The following FAM131A variants were observed in gnomAD, a reference collection of about 807,000 sequenced individuals.
FAM131A encodes the protein family with sequence similarity 131 member A.
A neutral mutation model predicts 39.2 loss-of-function variants in FAM131A; 24 were observed. The observed-to-expected ratio is 0.61, with a 90% CI of 0.44 to 0.86. The LOEUF is 0.86. Among genes scored for constraint, FAM131A ranks in the 40% least tolerant of loss-of-function variants. FAM131A has a pLI of 0.00. For missense variants in FAM131A, 373 were observed against 481.2 expected (o/e 0.78, Z 2.10); for synonymous variants, 202 against 206.8 (o/e 0.98, Z 0.20).
chr3:184,338,186 G>A (rs1727205217), intron 1 of FAM131A, among the ~76,000 whole-genome samples: 1 of 152,094 alleles, frequency 6.6e-6, no homozygotes, highest in African/African-American at 2.4e-5. Flanking sequence ...TGGCAAGTGG[G>A]CTGCCACAGA....
chr3:184,337,983 G>C (rs1378201177), intron 1 of FAM131A, among the ~76,000 whole-genome samples: 1 of 152,176 alleles, frequency 6.6e-6, no homozygotes, highest in Non-Finnish European at 1.5e-5. Flanking sequence ...AAGGCAGCAG[G>C]AAGAGAGAAG....
At chr3:184,340,308 C>G (rs1255129228) in intron 2 of FAM131A, 1 of 143,396 alleles carries the variant, frequency 7.0e-6, no homozygotes, top group Non-Finnish European at 1.5e-5. Flanking sequence ...CTGGCCCAGC[C>G]TATGCATTTT....
chr3:184,341,706 C>G lies in FAM131A; in HGVS notation c.232-18C>G, dbSNP rs1026934854. ...TTGCTGTCAGAGGGGCACTGACTTT[C>G]TAATGGTGTTACCCAAGGTGAATGT... On this transcript the variant is annotated intron_variant, in intron 2 of 5. Coordinates refer to ENST00000383847, the MANE Select transcript of FAM131A (RefSeq NM_144635.5). 2 of 1,601,212 alleles carry G rather than the reference C, an allele frequency of 1.2e-6. No homozygotes were observed. Among genetic ancestry groups the G allele is most frequent in the Non-Finnish European group, 1.7e-6 (2 of 1,178,530 alleles).
rs1727589361 is a variant in FAM131A at position 184,345,292 on chromosome 3, A to ACCACT, written c.*323_*327dup. On this transcript the variant is annotated 3_prime_UTR_variant, in exon 6 of 6. Coordinates refer to ENST00000383847, the MANE Select transcript of FAM131A (RefSeq NM_144635.5). ...CACATTTCCTCCTCGGATAATGTGA[A>ACCACT]CCACTAAGGGGGTTGTGACTGGGCT... The ACCACT allele has an allele frequency of 6.1e-6, 3 of 494,418 alleles. No homozygotes were observed. The highest frequency in any genetic ancestry group is 2.2e-5 in the African/African-American group (1 of 45,576). 30.6% of individuals were successfully genotyped at this position (494,418 alleles called of 1,614,324 possible).
intron 5 of FAM131A, chr3:184,343,117 G>T: frequency 3.0e-5 from 4 of 131,394 alleles, no homozygotes; most frequent in East Asian, 1.4e-4. Flanking sequence ...GTGCCTTGCA[G>T]TCCTCAAAAA....
chr3:184,340,721 A>G (rs905328886), intron 2 of FAM131A: 1 of 152,358 alleles, frequency 6.6e-6, no homozygotes, highest in Non-Finnish European at 1.5e-5. Context: ...CCAAGAGCCA[A>G]AGACCAGTGA....
intron 5 of FAM131A, among the ~76,000 whole-genome samples, chr3:184,343,422 G>A (rs901580480): frequency 1.3e-5 from 2 of 152,240 alleles, no homozygotes; most frequent in Admixed American, 1.3e-4. Context: ...GGACCCTGCA[G>A]GGCTCTGCAG....
intron 5 of FAM131A, 37 bp from the exon 6 acceptor site, chr3:184,344,458 G>T: frequency 6.7e-7 from 1 of 1,503,218 alleles, no homozygotes; most frequent in Non-Finnish European, 8.9e-7. Flanking sequence ...TTGAAATGGA[G>T]CCAGCAGGAC....
Position 184,344,815 on chromosome 3 carries a change from T to C in FAM131A, c.946T>C (p.Ser316Pro), listed in dbSNP as rs1727556825. 1.2e-6 allele frequency: 2 copies of C among 1,611,618 alleles called. No homozygotes were observed. Among genetic ancestry groups the C allele is most frequent in the Non-Finnish European group, 1.7e-6 (2 of 1,179,860 alleles). ...YNSPLTESCLSPAEEEPAPCK... is the reference protein window; with the variant it reads ...YNSPLTESCLPPAEEEPAPCK... The stretch of plus-strand genomic sequence containing the variant: ...CTCGCCCCTCACAGAGTCCTGCCTT[T>C]CCCCCGCGGAGGAGGAGCCAGCCCC... Residue 316 changes from serine to proline, a missense_variant, in exon 6 of 6, where the codon TCC becomes CCC. Around this residue, in one of 2 missense-constraint regions of FAM131A, gnomAD observed 152 missense variants for 133.5 expected, o/e 1.14. Coordinates refer to ENST00000383847, the MANE Select transcript of FAM131A (RefSeq NM_144635.5).
rs1727405573 is a variant in FAM131A, at chr3:184,342,006, T to C, written c.326-60T>C. Reference sequence around the variant, plus strand: ...AACTACTGCCACCCTTCCACCTCCCTGCACCTGTGCTCCCTGGCCTGGTCC... The same window carrying C: ...AACTACTGCCACCCTTCCACCTCCCCGCACCTGTGCTCCCTGGCCTGGTCC... On this transcript the variant is annotated intron_variant, in intron 3 of 5. Coordinates refer to ENST00000383847, the MANE Select transcript of FAM131A (RefSeq NM_144635.5). This position sits in a 1 kb window ranked among gnomAD's most constrained non-coding sequence, Gnocchi z 4.6. 6.2e-7 allele frequency: 1 copy of C among 1,603,140 alleles called. No homozygotes were observed. The highest frequency in any genetic ancestry group is 1.3e-5 in the African/African-American group (1 of 74,806).
rs1014381004 is a variant in FAM131A at position 184,345,294 on chromosome 3, C to T, written c.*324C>T. 30 of 582,328 alleles carry T rather than the reference C, an allele frequency of 5.2e-5. No homozygotes were observed. The highest frequency in any genetic ancestry group is 8.2e-5 in the Non-Finnish European group (27 of 330,898). 36.1% of individuals were successfully genotyped at this position (582,328 alleles called of 1,614,324 possible). A position where few individuals can be genotyped will look rare whatever the true frequency, so the allele number is the denominator to read the frequency against. ...CATTTCCTCCTCGGATAATGTGAAC[C>T]ACTAAGGGGGTTGTGACTGGGCTGT... is the stretch of plus-strand genomic sequence containing the variant. On this transcript the variant is annotated 3_prime_UTR_variant, in exon 6 of 6. Transcript: ENST00000383847.
chr3:184,341,729 T>C lies in FAM131A; in HGVS notation c.237T>C (p.Asn79=). Residue 79 remains asparagine, a synonymous_variant, in exon 3 of 6, where the codon AAT becomes AAC. Transcript: ENST00000383847. ...TTCTAATGGTGTTACCCAAGGTGAA[T>C]GTTGGAGACACAGTCGCGATGCTGC... ...SVDSQDLPEV[N]VGDTVAMLPK... 6.2e-7 allele frequency: 1 copy of C among 1,607,332 alleles called. No individual in the cohort carries two copies. Among genetic ancestry groups the C allele is most frequent in the South Asian group, 1.1e-5 (1 of 91,080 alleles).
At position 184,346,056 on chromosome 3, in the gene FAM131A, A is replaced by G; in HGVS notation, c.*1086A>G. The G allele has an allele frequency of 5.4e-6, 1 of 186,912 alleles. No individual in the cohort carries two copies. Among genetic ancestry groups the G allele is most frequent in the Non-Finnish European group, 1.1e-5 (1 of 89,368 alleles). 11.6% of individuals were successfully genotyped at this position (186,912 alleles called of 1,614,324 possible). On this transcript the variant is annotated 3_prime_UTR_variant, in exon 6 of 6. Transcript: ENST00000383847. This position sits in a 1 kb window ranked among gnomAD's most constrained non-coding sequence, Gnocchi z 6.0. ...AGTGGAGGCCTCTGGCAGATCCTGC[A>G]TTCCAAGGTCACTGGACTGTACGTT...
In FAM131A at chr3:184,337,615, C is replaced by A. The variant is rs931769895; in HGVS notation, c.-16C>A. On this transcript the variant is annotated 5_prime_UTR_variant, in exon 1 of 6. Transcript: ENST00000383847. ...GCGGTTCTGGGCTTTTGGTTCTCTGCATCAACACAGCCAGCATGCCTATGA... is the reference window on the plus strand; with the variant it reads ...GCGGTTCTGGGCTTTTGGTTCTCTGAATCAACACAGCCAGCATGCCTATGA... 1.4e-5 allele frequency: 21 copies of A among 1,536,824 alleles called. No individual in the cohort carries two copies. The highest frequency in any genetic ancestry group is 9.8e-5 in the Admixed American group (5 of 50,972).
intron 2 of FAM131A, 34 bp from the exon 3 acceptor site, chr3:184,341,690 G>A (rs1242492428): frequency 6.3e-7 from 1 of 1,578,074 alleles, no homozygotes; most frequent in Non-Finnish European, 8.6e-7. Flanking sequence ...ATTGCTGTCA[G>A]AGGGGCACTG....
At chr3:184,339,203 G>A (rs1577285159) in intron 2 of FAM131A, 1 of 152,496 alleles carries the variant, frequency 6.6e-6, no homozygotes, top group East Asian at 1.9e-4. Flanking sequence ...CTTAGGCCTT[G>A]CCATCCTGAG....
At position 184,345,336 on chromosome 3, in the gene FAM131A, A is replaced by T; in HGVS notation, c.*366A>T. ...CTGGGCTGTGTGAGGGTGGGGTGGG[A>T]GGGGGCCCAGCAACCCCCCACCCTC... On this transcript the variant is annotated 3_prime_UTR_variant, in exon 6 of 6. Coordinates refer to ENST00000383847, the MANE Select transcript of FAM131A (RefSeq NM_144635.5). The T allele has an allele frequency of 2.1e-6, 1 of 471,276 alleles. No homozygotes were observed. The highest frequency in any genetic ancestry group is 2.2e-5 in the South Asian group (1 of 45,024). 29.2% of individuals were successfully genotyped at this position (471,276 alleles called of 1,614,324 possible).
chr3:184,338,648 T>A, intron 2 of FAM131A, 119 bp downstream of exon 2: 1 of 1,374,638 alleles, frequency 7.3e-7, no homozygotes, highest in Non-Finnish European at 9.7e-7. Context: ...GCGGAGGCGC[T>A]ATCCGGCGGC....
intron 1 of FAM131A, 90 bp from the exon 2 acceptor site, chr3:184,338,297 G>T (rs1727209389): frequency 7.5e-7 from 1 of 1,325,916 alleles, no homozygotes; most frequent in East Asian, 2.8e-5. Context: ...GTGGGGGAGG[G>T]GCCGAGAAAT....
Sources: gnomAD v4.1 joint callset for allele counts (sites outside exome capture counted in the v4.1 genomes callset) on GRCh38, gnomAD v4.1.1 for gene constraint, gnomAD v4.1.1 regional missense constraint, Gnocchi (gnomAD v3.1) non-coding constraint, MANE v1.5 for transcripts, NCBI Gene and HGNC (gene_info 2026-07-23, HGNC 2026-07-21) for gene names.